UNC5D: variants seen among roughly 807,000 people sequenced by gnomAD.
UNC5D encodes netrin receptor UNC5D.
A neutral mutation model predicts 105.4 loss-of-function variants in UNC5D; 39 were observed. The observed-to-expected ratio is 0.37, with a 90% CI of 0.29 to 0.48. The LOEUF (loss-of-function observed/expected upper bound fraction) is 0.48. UNC5D is among the 20% of genes least tolerant of loss of function. The pLI, the probability that UNC5D is intolerant of heterozygous loss-of-function variation, is 0.98. For missense variants in UNC5D, 991 were observed against 1,202.4 expected, an observed-to-expected ratio of 0.82 and a Z score of 2.60; for synonymous variants, 452 against 450.4, an observed-to-expected ratio of 1.00 and a Z score of -0.04.
chr8:35,441,791 G>T (rs544260281), intron 1 of UNC5D, among the ~76,000 whole-genome samples: 7 of 151,210 alleles, frequency 4.6e-5, no homozygotes, highest in Admixed American at 2.7e-4. Context: ...TACTTGGGAG[G>T]AACGAAGGAG....
At chr8:35,783,398 G>A (rs1034758302) in intron 16 of UNC5D, among the ~76,000 whole-genome samples, 6 of 152,114 alleles carry the variant, frequency 3.9e-5, no homozygotes, top group East Asian at 3.9e-4. Context: ...AAGCAGTCAC[G>A]GGAAGAGCTT....
chr8:35,427,665 G>A (rs533488698), intron 1 of UNC5D, among the ~76,000 whole-genome samples: 1 of 152,290 alleles, frequency 6.6e-6, no homozygotes, highest in East Asian at 1.9e-4. Context: ...TTCCTGTTCT[G>A]TGATCCTGAT....
At chr8:35,395,466 C>T (rs1033315387) in intron 1 of UNC5D, among the ~76,000 whole-genome samples, 1 of 152,176 alleles carries the variant, frequency 6.6e-6, no homozygotes, top group Non-Finnish European at 1.5e-5. Context: ...GGGGTGGAGT[C>T]AGTGTTAAAA....
chr8:35,371,210 T>C (rs2128924979), intron 1 of UNC5D, among the ~76,000 whole-genome samples: 1 of 151,958 alleles, frequency 6.6e-6, no homozygotes, highest in East Asian at 1.9e-4. Context: ...ACACAAAGTT[T>C]TTCAGATAGC....
chr8:35,795,112 A>C lies in UNC5D; in HGVS notation c.*4549A>C, dbSNP rs1196985964. 1 of 152,124 alleles carries C rather than the reference A, an allele frequency of 6.6e-6. No homozygotes were observed. The allele number at this position is 152,124 out of a possible 1,614,324, so 9.4% of individuals were successfully genotyped here. A position where few individuals can be genotyped will look rare whatever the true frequency, so the allele number is the denominator to read the frequency against. ...CTGACCCAAAGATAAAAAAGGCATC[A>C]AGCTTCATGGTTATGCCTAAGCTTA... On this transcript the variant is annotated 3_prime_UTR_variant, in exon 17 of 17. Transcript: ENST00000404895.
chr8:35,597,130 G>A (rs898584942), intron 4 of UNC5D, among the ~76,000 whole-genome samples: 1 of 152,282 alleles, frequency 6.6e-6, no homozygotes, highest in South Asian at 2.1e-4. Flanking sequence ...AAATAAAGGG[G>A]AATGAAAAAA....
At chr8:35,594,409 T>G (rs1819364695) in intron 3 of UNC5D, among the ~76,000 whole-genome samples, 1 of 152,222 alleles carries the variant, frequency 6.6e-6, no homozygotes, top group Non-Finnish European at 1.5e-5. Flanking sequence ...GAGAACATAT[T>G]TCATGTTATT....
chr8:35,542,399 T>C (rs1815342067), intron 1 of UNC5D, among the ~76,000 whole-genome samples: 1 of 152,196 alleles, frequency 6.6e-6, no homozygotes, highest in African/African-American at 2.4e-5. Context: ...TGCTCTGACT[T>C]GCACATTGCC....
At chr8:35,405,391 C>T (rs1268269707) in intron 1 of UNC5D, among the ~76,000 whole-genome samples, 1 of 152,168 alleles carries the variant, frequency 6.6e-6, no homozygotes, top group Non-Finnish European at 1.5e-5. Context: ...TAGATAACAT[C>T]ATAGAGTTAC....
At chr8:35,442,637 G>A (rs959598292) in intron 1 of UNC5D, among the ~76,000 whole-genome samples, 2 of 151,798 alleles carry the variant, frequency 1.3e-5, no homozygotes, top group African/African-American at 4.8e-5. Context: ...AATATTTCCA[G>A]CCAATCCAAG....
intron 1 of UNC5D, among the ~76,000 whole-genome samples, chr8:35,514,618 C>T (rs1370589421): frequency 2.0e-5 from 3 of 152,178 alleles, no homozygotes; most frequent in African/African-American, 4.8e-5. Flanking sequence ...TTGAACATTG[C>T]TTTATGTTGT....
chr8:35,783,451 C>G (rs1802601021), intron 16 of UNC5D, among the ~76,000 whole-genome samples: 1 of 152,194 alleles, frequency 6.6e-6, no homozygotes, highest in South Asian at 2.1e-4. Flanking sequence ...TACCATGGTT[C>G]TGAGTAACTG....
At chr8:35,323,798 G>C (rs1809935068) in intron 1 of UNC5D, among the ~76,000 whole-genome samples, 1 of 152,162 alleles carries the variant, frequency 6.6e-6, no homozygotes, top group South Asian at 2.1e-4. Context: ...AATCTATGGA[G>C]TGATTAAACT....
intron 1 of UNC5D, among the ~76,000 whole-genome samples, chr8:35,348,808 A>G (rs892259094): frequency 6.6e-6 from 1 of 151,852 alleles, no homozygotes. Context: ...CAAGGTTCTC[A>G]AATAGTACTA....
At chr8:35,658,047 C>T (rs1823880815) in intron 4 of UNC5D, among the ~76,000 whole-genome samples, 1 of 152,112 alleles carries the variant, frequency 6.6e-6, no homozygotes, top group Non-Finnish European at 1.5e-5. Context: ...CATAATATTA[C>T]CAGTAAACTA....
At chr8:35,420,195 T>G (rs547883635) in intron 1 of UNC5D, among the ~76,000 whole-genome samples, 1 of 151,900 alleles carries the variant, frequency 6.6e-6, no homozygotes, top group African/African-American at 2.4e-5. Context: ...AGCAACTATT[T>G]TTTTGTTTCT....
At chr8:35,472,431 A>G (rs896872834) in intron 1 of UNC5D, among the ~76,000 whole-genome samples, 1 of 152,124 alleles carries the variant, frequency 6.6e-6, no homozygotes, top group Non-Finnish European at 1.5e-5. Flanking sequence ...TACAAAAAAA[A>G]AGCCTATTCA....
chr8:35,411,285 G>A (rs371242131), intron 1 of UNC5D, among the ~76,000 whole-genome samples: 1 of 152,012 alleles, frequency 6.6e-6, no homozygotes, highest in Non-Finnish European at 1.5e-5. Flanking sequence ...CCTGAGATTT[G>A]CAAATTGAGT....
intron 7 of UNC5D, among the ~76,000 whole-genome samples, chr8:35,691,132 G>C (rs1181061383): frequency 6.6e-6 from 1 of 152,112 alleles, no homozygotes; most frequent in Non-Finnish European, 1.5e-5. Context: ...GTTGTGACTA[G>C]AACACAGAAT....
Sources: allele counts gnomAD v4.1 joint callset (sites outside exome capture counted in the v4.1 genomes callset), GRCh38; gene constraint gnomAD v4.1.1; transcripts MANE v1.5; gene names NCBI Gene and HGNC (gene_info 2026-07-23, HGNC 2026-07-21).